The following SUN2 variants were observed in gnomAD, a reference collection of about 807,000 sequenced individuals.
SUN2 encodes SUN domain-containing protein 2.
Under a neutral mutation model 100.0 loss-of-function variants are expected in SUN2, and 60 were observed. The ratio of observed to expected loss-of-function variants is 0.60; its 90% confidence interval spans 0.49 to 0.74. The LOEUF (loss-of-function observed/expected upper bound fraction) is 0.74. Among genes scored for constraint, SUN2 ranks in the 30% least tolerant of loss-of-function variants. The pLI is 0.00. For synonymous variants in SUN2, 367 were observed against 403.3 expected (o/e 0.91, Z 1.08); for missense variants, 834 against 954.6 (o/e 0.87, Z 1.66).
At position 38,738,795 on chromosome 22, in the gene SUN2, C is replaced by A. The variant is rs920280715; in HGVS notation, c.1780-41G>T. Reference sequence around the variant, plus strand: ...GTCATGTCAGGACAGGGCCCTGAGTCCAGCTCTTGCTGACCCCAGATGGGA... The same window carrying A: ...GTCATGTCAGGACAGGGCCCTGAGTACAGCTCTTGCTGACCCCAGATGGGA... On this transcript the variant is annotated intron_variant, in intron 15 of 17. Transcript: ENST00000689035. The surrounding 1 kb of genome is among the most constrained non-coding windows in gnomAD (Gnocchi z 6.6). 2 of 1,604,352 alleles carry A rather than the reference C, an allele frequency of 1.2e-6. No individual in the cohort carries two copies. The highest frequency in any genetic ancestry group is 3.4e-5 in the Admixed American group (2 of 59,700).
At chr22:38,741,432 G>A in intron 10 of SUN2, 62 bp downstream of exon 10, 1 of 1,536,612 alleles carries the variant, frequency 6.5e-7, no homozygotes, top group Non-Finnish European at 9.0e-7. Flanking sequence ...GGGGTCCGAG[G>A]TGAACATGTT....
chr22:38,738,344 C>T lies in SUN2; in HGVS notation c.1948-79G>A, dbSNP rs2092825250. On this transcript the variant is annotated intron_variant, in intron 16 of 17. Transcript: ENST00000689035. The surrounding 1 kb of genome is among the most constrained non-coding windows in gnomAD (Gnocchi z 6.6). Reference sequence around the variant, plus strand: ...TCCCCACTCCAATCCCTGCTCCTCCCACCCAGCAGGTCAGGCACCAGAGTG... The same window carrying T: ...TCCCCACTCCAATCCCTGCTCCTCCTACCCAGCAGGTCAGGCACCAGAGTG... The T allele has an allele frequency of 7.6e-7, 1 of 1,312,256 alleles. No homozygotes were observed. Among genetic ancestry groups the T allele is most frequent in the Non-Finnish European group, 1.1e-6 (1 of 928,338 alleles). The allele number at this position is 1,312,256 out of a possible 1,614,324, so 81.3% of individuals were successfully genotyped here.
chr22:38,749,879 GC>G lies in SUN2; in HGVS notation c.521-21del. 1 of 1,606,394 alleles carries G rather than the reference GC, an allele frequency of 6.2e-7. No individual in the cohort carries two copies. ...GCCGGCCTGGAAGAATGACCATCAA[GC>G]CGAAGGCTCCATATGGTGTTTGGGG... On this transcript the variant is annotated intron_variant, in intron 5 of 17. Transcript: ENST00000689035.
rs1254419142 is a variant in SUN2, at chr22:38,739,096, G to A, written c.1664-108C>T. Reference sequence around the variant, plus strand: ...GTGGACGGCAGATGCCCCAGGCCTAGCCTTTAACCCTAACCGAGATGCTCA... The same window carrying A: ...GTGGACGGCAGATGCCCCAGGCCTAACCTTTAACCCTAACCGAGATGCTCA... On this transcript the variant is annotated intron_variant, in intron 14 of 17. Coordinates refer to ENST00000689035, the MANE Select transcript of SUN2 (RefSeq NM_015374.3). This position sits in a 1 kb window ranked among gnomAD's most constrained non-coding sequence, Gnocchi z 6.7. 4 of 1,160,382 alleles carry A rather than the reference G, an allele frequency of 3.4e-6. No individual in the cohort carries two copies. The allele number at this position is 1,160,382 out of a possible 1,614,324, so 71.9% of individuals were successfully genotyped here.
At chr22:38,749,882 G>A (rs756335392) in intron 5 of SUN2, 23 bp from the exon 6 acceptor site, 14 of 1,603,752 alleles carry the variant, frequency 8.7e-6, no homozygotes, top group South Asian at 2.2e-5. Context: ...CCATCAAGCC[G>A]AAGGCTCCAT....
At chr22:38,749,716 C>G in intron 6 of SUN2, 50 bp downstream of exon 6, 1 of 1,556,760 alleles carries the variant, frequency 6.4e-7, no homozygotes, top group Non-Finnish European at 8.8e-7. Flanking sequence ...TTACCCGTCC[C>G]TTCACCCCAG....
intron 10 of SUN2, 48 bp from the exon 11 acceptor site, chr22:38,741,098 T>C: frequency 1.3e-6 from 2 of 1,563,416 alleles, no homozygotes; most frequent in Non-Finnish European, 1.7e-6. Flanking sequence ...TCTCAGAAAT[T>C]GGTGTTCCAG....
intron 6 of SUN2, 33 bp downstream of exon 6, chr22:38,749,733 G>T: frequency 2.5e-6 from 4 of 1,601,694 alleles, no homozygotes; most frequent in Non-Finnish European, 3.4e-6. Flanking sequence ...CCAGGGCCTT[G>T]CGATTTATTG....
At chr22:38,753,269 G>A (rs1014365143) in intron 1 of SUN2, among the ~76,000 whole-genome samples, 1 of 133,354 alleles carries the variant, frequency 7.5e-6, no homozygotes, top group Non-Finnish European at 1.5e-5. Context: ...AGGCTGAAGT[G>A]CAGTGGTGCA....
intron 8 of SUN2, chr22:38,743,225 A>T (rs2092874900): frequency 6.6e-6 from 1 of 152,244 alleles, no homozygotes; most frequent in African/African-American, 2.4e-5. Flanking sequence ...GGAGCTACTG[A>T]GCAGCAGAGG....
rs2092850700 is a variant in SUN2, at chr22:38,740,852, C to T, written c.1190+155G>A. The T allele has an allele frequency of 6.3e-6, 5 of 792,372 alleles. No individual in the cohort carries two copies. Among genetic ancestry groups the T allele is most frequent in the South Asian group, 1.6e-5 (1 of 61,964 alleles). 49.1% of individuals were successfully genotyped at this position (792,372 alleles called of 1,614,324 possible). On this transcript the variant is annotated intron_variant, in intron 11 of 17. Transcript: ENST00000689035. The surrounding 1 kb of genome is among the most constrained non-coding windows in gnomAD (Gnocchi z 4.8). ...TGGCACCTCAAAGACAGGCCCTGGG[C>T]AGGGGTCCTGAGCTGGGTTTCAACC...
At chr22:38,751,783 A>G (rs1043277113) in intron 2 of SUN2, among the ~76,000 whole-genome samples, 1 of 152,126 alleles carries the variant, frequency 6.6e-6, no homozygotes, top group African/African-American at 2.4e-5. Context: ...GTTCTCAGCC[A>G]TGTCGCTGGC....
rs2092827401 is a variant in SUN2, at chr22:38,738,569, C to A, written c.1947+18G>T. 6.2e-7 allele frequency: 1 copy of A among 1,608,782 alleles called. No homozygotes were observed. Among genetic ancestry groups the A allele is most frequent in the African/African-American group, 1.3e-5 (1 of 74,858 alleles). Reference sequence around the variant, plus strand: ...CCCCCTGCAGCCCCTCTGGCCCCACCACAGGACAGATACTCACAAAGATGG... The same window carrying A: ...CCCCCTGCAGCCCCTCTGGCCCCACAACAGGACAGATACTCACAAAGATGG... On this transcript the variant is annotated intron_variant, in intron 16 of 17. Coordinates refer to ENST00000689035, the MANE Select transcript of SUN2 (RefSeq NM_015374.3). The surrounding 1 kb of genome is among the most constrained non-coding windows in gnomAD (Gnocchi z 6.6).
rs1447487399 is a variant in SUN2 at position 38,752,648 on chromosome 22, T to C, written c.-20A>G. The C allele has an allele frequency of 1.9e-6, 3 of 1,612,360 alleles. No individual in the cohort carries two copies. In the East Asian group the frequency reaches 6.7e-5, roughly 36 times the overall value. On this transcript the variant is annotated 5_prime_UTR_variant, in exon 2 of 18. Transcript: ENST00000689035. ...GGACATGATGAGGTGGGATGTGGACTCTTCCCCTGAAGAGAATCTAAGGAG... is the reference window on the plus strand; with the variant it reads ...GGACATGATGAGGTGGGATGTGGACCCTTCCCCTGAAGAGAATCTAAGGAG...
At position 38,754,538 on chromosome 22, in the gene SUN2, G is replaced by GGTA. The variant is rs2092970840; in HGVS notation, c.-38+1222_-38+1224dup. 5 of 985,868 alleles carry GGTA rather than the reference G, an allele frequency of 5.1e-6. No homozygotes were observed. In the Admixed American group the frequency reaches 7.3e-5, roughly 14 times the overall value. The allele number at this position is 985,868 out of a possible 1,614,324, so 61.1% of individuals were successfully genotyped here. A position where few individuals can be genotyped will look rare whatever the true frequency, so the allele number is the denominator to read the frequency against. On this transcript the variant is annotated intron_variant, in intron 1 of 17. Coordinates refer to ENST00000689035, the MANE Select transcript of SUN2 (RefSeq NM_015374.3). ...GCTGGTGTTGGAAAAGGGACCGATT[G>GGTA]GTAGTAGGAAAAGCAGGAAGTTGGC... is the stretch of plus-strand genomic sequence containing the variant.
At chr22:38,744,165 G>A (rs754841703) in intron 8 of SUN2, among the ~76,000 whole-genome samples, 37 of 151,602 alleles carry the variant, frequency 2.4e-4, no homozygotes, top group Non-Finnish European at 4.3e-4. Flanking sequence ...GCTTGAACCC[G>A]GGAGGTGTAG....
At chr22:38,750,116 C>A in intron 5 of SUN2, 109 bp downstream of exon 5, 2 of 1,483,164 alleles carry the variant, frequency 1.3e-6, no homozygotes, top group East Asian at 2.3e-5. Context: ...GACCTTTCCC[C>A]AATGGTCCTA....
chr22:38,754,186 C>T (rs970346082), intron 1 of SUN2, among the ~76,000 whole-genome samples: 2 of 152,198 alleles, frequency 1.3e-5, no homozygotes, highest in African/African-American at 4.8e-5. Context: ...CAGGTCTAGA[C>T]ACCCGAATTC....
chr22:38,752,984 CACA>C (rs2092958746), intron 1 of SUN2, among the ~76,000 whole-genome samples: 1 of 152,212 alleles, frequency 6.6e-6, no homozygotes. Flanking sequence ...CTGAGCTCCG[CACA>C]AGCCAGAATT....
Sources: allele counts gnomAD v4.1 joint callset (sites outside exome capture counted in the v4.1 genomes callset), GRCh38; gene constraint gnomAD v4.1.1; non-coding constraint Gnocchi (gnomAD v3.1); transcripts MANE v1.5; gene names NCBI Gene and HGNC (gene_info 2026-07-23, HGNC 2026-07-21).